Variants in XXYLT1 observed in about 807,000 individuals in gnomAD.
XXYLT1 encodes the protein xyloside xylosyltransferase 1.
A neutral mutation model predicts 28.9 loss-of-function variants in XXYLT1; 20 were observed. That is an observed-to-expected ratio of 0.69 (90% CI 0.49 to 1.00). The LOEUF is 1.00. XXYLT1 is among the 50% of genes least tolerant of loss of function. The probability of loss-of-function intolerance (pLI) is 0.00; values close to 1 mark genes in which losing one functional copy is unlikely to be tolerated. For synonymous variants in XXYLT1, 257 were observed against 253.8 expected (o/e 1.01, Z -0.12); for missense variants, 542 against 560.1 (o/e 0.97, Z 0.33).
chr3:195,235,701 T>C (rs1237682308), intron 1 of XXYLT1, among the ~76,000 whole-genome samples: 1 of 152,150 alleles, frequency 6.6e-6, no homozygotes, highest in Non-Finnish European at 1.5e-5. Context: ...GGTGTTGTGA[T>C]CTAAGTTTTT....
chr3:195,263,581 A>G (rs1337939894), intron 1 of XXYLT1, among the ~76,000 whole-genome samples: 1 of 152,170 alleles, frequency 6.6e-6, no homozygotes, highest in African/African-American at 2.4e-5. Flanking sequence ...CCTCCCCAGA[A>G]GCTGTCACCA....
At chr3:195,269,911 G>A (rs1219256702) in intron 1 of XXYLT1, among the ~76,000 whole-genome samples, 1 of 152,222 alleles carries the variant, frequency 6.6e-6, no homozygotes, top group Non-Finnish European at 1.5e-5. Context: ...CCTGGGACAA[G>A]GCGGCCAGCT....
chr3:195,143,792 A>ATATATC (rs1719618611), intron 3 of XXYLT1, among the ~76,000 whole-genome samples: 4 of 116,246 alleles, frequency 3.4e-5, no homozygotes, highest in African/African-American at 1.3e-4. Context: ...CATTATATAT[A>ATATATC]TATATATAGA....
intron 3 of XXYLT1, among the ~76,000 whole-genome samples, chr3:195,080,317 AAGGC>A (rs1715359041): frequency 6.6e-6 from 1 of 152,146 alleles, no homozygotes; most frequent in Non-Finnish European, 1.5e-5. Context: ...CTGGCCCTGG[AAGGC>A]ACCCAGCCTC....
intron 1 of XXYLT1, among the ~76,000 whole-genome samples, chr3:195,265,272 A>G (rs969806895): frequency 3.2e-4 from 48 of 151,950 alleles, no homozygotes; most frequent in African/African-American, 1.2e-3. Flanking sequence ...TGGGAGGCTG[A>G]GGCAGGAGAA....
intron 1 of XXYLT1, among the ~76,000 whole-genome samples, chr3:195,239,494 A>G (rs1176114328): frequency 6.6e-6 from 1 of 152,250 alleles, no homozygotes; most frequent in African/African-American, 2.4e-5. Flanking sequence ...TGACTTCCAT[A>G]CTGAAGGCAA....
intron 3 of XXYLT1, among the ~76,000 whole-genome samples, chr3:195,114,396 T>C (rs1336117901): frequency 2.6e-5 from 4 of 152,238 alleles, no homozygotes; most frequent in East Asian, 3.9e-4. Context: ...TCCACCTGCG[T>C]TGAGCTTCTT....
At chr3:195,261,286 A>C (rs1243934554) in intron 1 of XXYLT1, among the ~76,000 whole-genome samples, 1 of 151,634 alleles carries the variant, frequency 6.6e-6, no homozygotes, top group East Asian at 1.9e-4. Context: ...TACAAGAATT[A>C]GCCGGGCACG....
intron 1 of XXYLT1, among the ~76,000 whole-genome samples, chr3:195,263,322 G>A (rs1310660651): frequency 6.6e-6 from 1 of 152,204 alleles, no homozygotes; most frequent in African/African-American, 2.4e-5. Flanking sequence ...GGATGCGAAG[G>A]TTTAAAGGGT....
chr3:195,076,393 G>A lies in XXYLT1; in HGVS notation c.786-6282C>T, dbSNP rs1485571134. Among the ~76,000 whole-genome samples, 2 of 152,094 alleles carry A rather than the reference G, an allele frequency of 1.3e-5. No individual in the cohort carries two copies. The highest frequency in any genetic ancestry group is 6.5e-5 in the Admixed American group (1 of 15,280). On this transcript the variant is annotated intron_variant, in intron 3 of 3. Transcript: ENST00000310380. The surrounding 1 kb of genome is among the most constrained non-coding windows in gnomAD (Gnocchi z 5.3). ...CGCGCGTGTTCCCGGAGTCTGAGTC[G>A]TTTTGAATTATGTCACGCAGGGGCC...
chr3:195,169,867 A>ATT (rs1392441054), intron 2 of XXYLT1, among the ~76,000 whole-genome samples: 14 of 124,446 alleles, frequency 1.1e-4, no homozygotes, highest in Non-Finnish European at 1.1e-4. Flanking sequence ...ATATATATAT[A>ATT]TATTTTTTTT....
intron 2 of XXYLT1, among the ~76,000 whole-genome samples, chr3:195,203,768 T>G (rs896970949): frequency 6.6e-6 from 1 of 152,178 alleles, no homozygotes; most frequent in Non-Finnish European, 1.5e-5. Context: ...TCATCCTCCA[T>G]GCTGATGGGG....
intron 2 of XXYLT1, among the ~76,000 whole-genome samples, chr3:195,182,852 C>A (rs748353520): frequency 6.6e-6 from 1 of 152,212 alleles, no homozygotes; most frequent in African/African-American, 2.4e-5. Context: ...CAAAACAACT[C>A]CCTGAACCCC....
At chr3:195,099,787 C>T (rs891770901) in intron 3 of XXYLT1, among the ~76,000 whole-genome samples, 10 of 144,350 alleles carry the variant, frequency 6.9e-5, no homozygotes, top group African/African-American at 2.3e-4. Context: ...GCTGAGATCG[C>T]GCCACTGCAC....
At chr3:195,157,915 A>G (rs1260846604) in intron 2 of XXYLT1, among the ~76,000 whole-genome samples, 1 of 152,206 alleles carries the variant, frequency 6.6e-6, no homozygotes, top group Non-Finnish European at 1.5e-5. Context: ...ATTGGCTAAA[A>G]TGGGGAGGTT....
intron 3 of XXYLT1, among the ~76,000 whole-genome samples, chr3:195,100,649 G>C (rs899580157): frequency 3.9e-5 from 6 of 151,996 alleles, no homozygotes; most frequent in Non-Finnish European, 7.4e-5. Flanking sequence ...GCCTACACAC[G>C]CTACCCTCAC....
chr3:195,138,051 T>G (rs2108641831), intron 3 of XXYLT1, among the ~76,000 whole-genome samples: 1 of 152,334 alleles, frequency 6.6e-6, no homozygotes, highest in Non-Finnish European at 1.5e-5. Context: ...TTAAGTATGT[T>G]TCGCAAAGTC....
chr3:195,098,353 A>C (rs1433430615), intron 3 of XXYLT1, among the ~76,000 whole-genome samples: 1 of 152,192 alleles, frequency 6.6e-6, no homozygotes, highest in Non-Finnish European at 1.5e-5. Flanking sequence ...GAAGATCGAG[A>C]CCATCCTGGC....
chr3:195,213,444 A>G (rs1723421837), intron 2 of XXYLT1, among the ~76,000 whole-genome samples: 1 of 151,804 alleles, frequency 6.6e-6, no homozygotes, highest in African/African-American at 2.4e-5. Context: ...TTGTATTTTT[A>G]GTAGAGATGG....
Sources: gnomAD v4.1 joint callset for allele counts (sites outside exome capture counted in the v4.1 genomes callset) on GRCh38, gnomAD v4.1.1 for gene constraint, Gnocchi (gnomAD v3.1) non-coding constraint, MANE v1.5 for transcripts, NCBI Gene and HGNC (gene_info 2026-07-23, HGNC 2026-07-21) for gene names.